TRMT44: variants seen among roughly 807,000 people sequenced by gnomAD.
The protein encoded by TRMT44 is tRNA methyltransferase 44 homolog.
TRMT44 carries 78 observed loss-of-function variants against 77.3 expected under a neutral mutation model. That is an observed-to-expected ratio of 1.01 (90% confidence interval 0.84 to 1.22). The LOEUF (loss-of-function observed/expected upper bound fraction) is 1.22. Ranked by LOEUF, TRMT44 falls within the 50% of genes most tolerant of loss-of-function variation. The pLI is 0.00. For synonymous variants in TRMT44, 391 were observed against 383.3 expected, an observed-to-expected ratio of 1.02 and a Z score of -0.23; for missense variants, 1,090 against 964.4, an observed-to-expected ratio of 1.13 and a Z score of -1.73.
At chr4:8,464,555 G>T (rs529963113) in intron 7 of TRMT44, among the ~76,000 whole-genome samples, 3 of 152,330 alleles carry the variant, frequency 2.0e-5, no homozygotes, top group African/African-American at 7.2e-5. Flanking sequence ...AGCAGGTTGT[G>T]CTGCTCCTCG....
intron 8 of TRMT44, among the ~76,000 whole-genome samples, chr4:8,466,160 C>A (rs111457315): frequency 0.065 from 9,918 of 152,242 alleles, 616 homozygotes; most frequent in African/African-American, 0.16. Context: ...TCACCTATGT[C>A]TCTGGTAACT....
chr4:8,464,471 C>A (rs1017669470), intron 7 of TRMT44, among the ~76,000 whole-genome samples: 6 of 152,138 alleles, frequency 3.9e-5, no homozygotes, highest in African/African-American at 1.2e-4. Flanking sequence ...GGAAATCTAC[C>A]CATCGATAGA....
intron 6 of TRMT44, among the ~76,000 whole-genome samples, chr4:8,456,078 T>C (rs1271988300): frequency 6.6e-6 from 1 of 152,210 alleles, no homozygotes; most frequent in African/African-American, 2.4e-5. Context: ...CCAGACTGTA[T>C]GTGGTGTCAT....
At chr4:8,473,480 C>T (rs1237237726) in intron 10 of TRMT44, 1 of 152,364 alleles carries the variant, frequency 6.6e-6, no homozygotes, top group Non-Finnish European at 1.5e-5. Flanking sequence ...CGGGCCAGGT[C>T]TGACCCAGCA....
rs541833384 is a variant in TRMT44 at position 8,473,655 on chromosome 4, A to G, written c.2045-2117A>G. ...CAGGGGATGCGCACGGTAAGGAGGGAGGAGGCGGCAGGAACTTGGGTGGAG... is the reference window on the plus strand; with the variant it reads ...CAGGGGATGCGCACGGTAAGGAGGGGGGAGGCGGCAGGAACTTGGGTGGAG... On this transcript the variant is annotated intron_variant, in intron 10 of 10. Transcript: ENST00000389737. The G allele has an allele frequency of 2.2e-3, 332 of 152,552 alleles. 3 individuals are homozygous for G. Among genetic ancestry groups the G allele is most frequent in the Non-Finnish European group, 1.7e-3 (118 of 68,186 alleles). 9.4% of individuals were successfully genotyped at this position (152,552 alleles called of 1,614,324 possible). A position where few individuals can be genotyped will look rare whatever the true frequency, so the allele number is the denominator to read the frequency against.
downstream of TRMT44, among the ~76,000 whole-genome samples, chr4:8,480,190 C>T (rs76047458): frequency 0.031 from 4,703 of 152,146 alleles, 86 homozygotes; most frequent in African/African-American, 0.043. Flanking sequence ...GAGCATAAGG[C>T]GGAAAAAGGA....
the TRMT44 span, among the ~76,000 whole-genome samples, chr4:8,516,441 C>G: frequency 7.2e-5 from 11 of 152,168 alleles, no homozygotes; most frequent in Non-Finnish European, 1.6e-4. Context: ...AATCAACAAG[C>G]CTAATTCTCC....
intron 8 of TRMT44, among the ~76,000 whole-genome samples, chr4:8,466,506 C>T (rs1477957563): frequency 6.6e-6 from 1 of 152,258 alleles, no homozygotes; most frequent in Non-Finnish European, 1.5e-5. Flanking sequence ...GCTTGTGGCA[C>T]AGGCCTCAGG....
At chr4:8,512,822 C>CT in the TRMT44 span, among the ~76,000 whole-genome samples, 1 of 152,290 alleles carries the variant, frequency 6.6e-6, no homozygotes, top group South Asian at 2.1e-4. Flanking sequence ...AAAAATATGT[C>CT]TGTTATTACT....
chr4:8,472,148 A>T (rs1727048526), intron 10 of TRMT44, among the ~76,000 whole-genome samples: 1 of 152,122 alleles, frequency 6.6e-6, no homozygotes, highest in Admixed American at 6.5e-5. Context: ...CCCTAAGCAC[A>T]CATTTCTGTG....
At chr4:8,500,644 G>C in the TRMT44 span, among the ~76,000 whole-genome samples, 1 of 151,576 alleles carries the variant, frequency 6.6e-6, no homozygotes, top group African/African-American at 2.4e-5. Flanking sequence ...ACAAGTGTCT[G>C]GCAGGCACTG....
chr4:8,505,916 G>A, the TRMT44 span, among the ~76,000 whole-genome samples: 1 of 152,170 alleles, frequency 6.6e-6, no homozygotes, highest in Non-Finnish European at 1.5e-5. Context: ...TGTGAGATGT[G>A]CCTGCTTCCC....
rs181370052 is a variant in TRMT44, at chr4:8,442,014, G to A, written c.619+573G>A. 3.9e-4 allele frequency among the ~76,000 whole-genome samples: 59 copies of A among 152,352 alleles called. No individual in the cohort carries two copies. In the East Asian group the frequency reaches 7.1e-3, roughly 18 times the overall value. ...TGAATCTCCTTTGTGCTCAAACAGC[G>A]TTATCTTTAACTTGTCGGAGAATAA... is the stretch of plus-strand genomic sequence containing the variant. On this transcript the variant is annotated intron_variant, in intron 1 of 10. Coordinates refer to ENST00000389737, the MANE Select transcript of TRMT44 (RefSeq NM_152544.3).
chr4:8,446,338 T>C lies in TRMT44; in HGVS notation c.620-138T>C, dbSNP rs1031038775. ...GCAGTGAATGAAAGGCAAAAGTTCC[T>C]CTCCTGGAGTGCCATTGTGAATAGA... On this transcript the variant is annotated intron_variant, in intron 1 of 10. Transcript: ENST00000389737. The surrounding 1 kb of genome is among the most constrained non-coding windows in gnomAD (Gnocchi z 4.3). 14 of 610,060 alleles carry C rather than the reference T, an allele frequency of 2.3e-5. No homozygotes were observed. Among genetic ancestry groups the C allele is most frequent in the African/African-American group, 2.2e-4 (12 of 53,952 alleles). The allele number at this position is 610,060 out of a possible 1,614,324, so 37.8% of individuals were successfully genotyped here.
At chr4:8,471,236 T>C (rs748555113) in intron 10 of TRMT44, 36 bp downstream of exon 10, 3 of 1,356,496 alleles carry the variant, frequency 2.2e-6, no homozygotes, top group Non-Finnish European at 3.1e-6. Flanking sequence ...GTTCTTTCCT[T>C]CTTTTTCCCC....
In TRMT44 at chr4:8,468,004, G is replaced by T; in HGVS notation, c.1585G>T (p.Gly529Cys). The change falls in exon 9 of 11, where the codon GGC becomes TGC. Residue 529 changes from glycine to cysteine, a missense_variant. Physicochemically the swap from Gly to Cys is radical, Grantham distance 159. Transcript: ENST00000389737. ...KRTQYIKSRR[G>C]CPVSPPGWEL... is the part of the protein sequence containing the mutation. ...GACTCAGTACATTAAGAGCAGGCGG[G>T]GCTGCCCTGTAAGCCCACCTGGCTG... 6.2e-7 allele frequency: 1 copy of T among 1,614,080 alleles called. No homozygotes were observed. Among genetic ancestry groups the T allele is most frequent in the Non-Finnish European group, 8.5e-7 (1 of 1,180,034 alleles).
intron 5 of TRMT44, among the ~76,000 whole-genome samples, 196 bp downstream of exon 5, chr4:8,453,185 C>T (rs979266725): frequency 6.6e-6 from 1 of 152,180 alleles, no homozygotes; most frequent in African/African-American, 2.4e-5. Context: ...ACGTGGTGAT[C>T]TCATTGGACC....
the TRMT44 span, chr4:8,512,132 T>C: frequency 2.0e-5 from 3 of 152,120 alleles, no homozygotes; most frequent in Non-Finnish European, 4.4e-5. Context: ...GGGGGTGCGA[T>C]CTCGGTTCAC....
At position 8,452,738 on chromosome 4, in the gene TRMT44, A is replaced by G. The variant is rs1267978418; in HGVS notation, c.1024-144A>G. On this transcript the variant is annotated intron_variant, in intron 4 of 10. Coordinates refer to ENST00000389737, the MANE Select transcript of TRMT44 (RefSeq NM_152544.3). The surrounding 1 kb of genome is among the most constrained non-coding windows in gnomAD (Gnocchi z 5.7). ...GGCAAGAGCAACACTCCATCTCAAA[A>G]AAAGAAAAAAAAAAAAGAATGTTTA... The G allele has an allele frequency of 3.9e-6, 2 of 519,258 alleles. No individual in the cohort carries two copies. The highest frequency in any genetic ancestry group is 7.7e-5 in the Admixed American group (2 of 25,872). The allele number at this position is 519,258 out of a possible 1,614,324, so 32.2% of individuals were successfully genotyped here. A position where few individuals can be genotyped will look rare whatever the true frequency, so the allele number is the denominator to read the frequency against.
Sources: allele counts gnomAD v4.1 joint callset (sites outside exome capture counted in the v4.1 genomes callset), GRCh38; gene constraint gnomAD v4.1.1; non-coding constraint Gnocchi (gnomAD v3.1); transcripts MANE v1.5; gene names NCBI Gene and HGNC (gene_info 2026-07-23, HGNC 2026-07-21).